JADE1: variants seen among roughly 807,000 people sequenced by gnomAD.
JADE1 encodes protein Jade-1.
A neutral mutation model predicts 81.8 loss-of-function variants in JADE1; 14 were observed. The ratio of observed to expected loss-of-function variants is 0.17; its 90% CI spans 0.11 to 0.27. The LOEUF is 0.27. JADE1 is among the 10% of genes least tolerant of loss of function. JADE1 has a pLI of 1.00. For missense variants in JADE1, 690 were observed against 1,047.9 expected (o/e 0.66, Z 4.71); for synonymous variants, 353 against 391.9 (o/e 0.90, Z 1.17).
intron 9 of JADE1, chr4:128,864,187 G>A (rs922732095): frequency 1.1e-6 from 1 of 913,708 alleles, no homozygotes; most frequent in Non-Finnish European, 1.3e-6. Flanking sequence ...TCACTTTGTT[G>A]CCCAGGCTGG....
At chr4:128,864,546 T>C in intron 9 of JADE1, 1 of 985,434 alleles carries the variant, frequency 1.0e-6, no homozygotes, top group Non-Finnish European at 1.2e-6. Context: ...ATCTTTGCCT[T>C]GCCCAGAGAG....
intron 8 of JADE1, among the ~76,000 whole-genome samples, chr4:128,861,429 C>G (rs905664311): frequency 1.1e-4 from 17 of 152,234 alleles, no homozygotes; most frequent in African/African-American, 3.4e-4. Flanking sequence ...CTTTGGGAGG[C>G]TGAGATGGGC....
At position 128,846,440 on chromosome 4, in the gene JADE1, G is replaced by C; in HGVS notation, c.204G>C (p.Glu68Asp). ...LHDSYQLNPDEYYVLADPWRQ... is the reference protein window; with the variant it reads ...LHDSYQLNPDDYYVLADPWRQ... ...ACTCCTACCAGCTGAATCCGGATGA[G>C]TACTATGTGTTGGCAGATCCCTGGA... The change falls in exon 4 of 11, where the codon GAG becomes GAC. Residue 68 changes from glutamate to aspartate, a missense_variant. By Grantham distance (45) the Glu-to-Asp change is conservative. Coordinates refer to ENST00000226319, the MANE Select transcript of JADE1 (RefSeq NM_199320.4). The surrounding 1 kb of genome is among the most constrained non-coding windows in gnomAD (Gnocchi z 4.0). The C allele has an allele frequency of 6.2e-7, 1 of 1,614,152 alleles. No individual in the cohort carries two copies. Among genetic ancestry groups the C allele is most frequent in the Non-Finnish European group, 8.5e-7 (1 of 1,180,026 alleles).
At position 128,871,735 on chromosome 4, in the gene JADE1, C is replaced by G. The variant is rs771225620; in HGVS notation, c.2002C>G (p.Leu668Val). Residue 668 changes from leucine (L) to valine (V), a missense_variant, in exon 11 of 11, where the codon CTC becomes GTC. Around this residue, in one of 8 missense-constraint regions of JADE1, gnomAD observed 218 missense variants for 274.3 expected, o/e 0.79. Transcript: ENST00000226319. This position sits in a 1 kb window ranked among gnomAD's most constrained non-coding sequence, Gnocchi z 4.1. ...AAGAGACAATCGTTTTCATTGTGAT[C>G]TCATTAAAGGAGACTTAAAGGACAA... ...KRRDNRFHCDLIKGDLKDKSF... is the reference protein window; with the variant it reads ...KRRDNRFHCDVIKGDLKDKSF... The G allele has an allele frequency of 3.7e-6, 6 of 1,614,118 alleles. No individual in the cohort carries two copies. The highest frequency in any genetic ancestry group is 5.1e-6 in the Non-Finnish European group (6 of 1,180,024).
At chr4:128,868,920 C>T (rs147166256) in intron 10 of JADE1, among the ~76,000 whole-genome samples, 161 of 152,182 alleles carry the variant, frequency 1.1e-3, no homozygotes, top group African/African-American at 3.6e-3. Flanking sequence ...TTGGTGCTTG[C>T]GTTGTGCAAT....
chr4:128,865,257 C>T (rs1320127324), intron 9 of JADE1, among the ~76,000 whole-genome samples: 3 of 152,170 alleles, frequency 2.0e-5, no homozygotes, highest in Admixed American at 1.3e-4. Context: ...AGCAGTGTAT[C>T]TCAGGGTGTT....
intron 1 of JADE1, among the ~76,000 whole-genome samples, chr4:128,828,089 C>T (rs1169132777): frequency 1.3e-5 from 2 of 152,182 alleles, no homozygotes; most frequent in East Asian, 3.9e-4. Flanking sequence ...GTTTTCCTGT[C>T]TGCCCAACTA....
chr4:128,812,562 C>T (rs1429255111), intron 1 of JADE1, among the ~76,000 whole-genome samples: 1 of 152,070 alleles, frequency 6.6e-6, no homozygotes, highest in African/African-American at 2.4e-5. Context: ...CGGGTCTCCC[C>T]TCGCCCCAGG....
At chr4:128,814,294 A>G (rs1238835468) in intron 1 of JADE1, among the ~76,000 whole-genome samples, 1 of 152,208 alleles carries the variant, frequency 6.6e-6, no homozygotes. Context: ...TTGGAGGACT[A>G]GGTGAGAGTA....
intron 2 of JADE1, among the ~76,000 whole-genome samples, chr4:128,834,530 CTTTTTTT>C (rs202245727): frequency 6.0e-5 from 6 of 99,220 alleles, no homozygotes; most frequent in Non-Finnish European, 8.3e-5. Flanking sequence ...CCAAATATTT[CTTTTTTT>C]TTTTTTTTTT....
intron 6 of JADE1, among the ~76,000 whole-genome samples, chr4:128,854,615 G>A (rs1287672474): frequency 1.3e-5 from 2 of 152,066 alleles, no homozygotes; most frequent in African/African-American, 4.8e-5. Context: ...CATCGTCGTG[G>A]GTATTCAGAT....
At chr4:128,832,799 T>C (rs1252377792) in intron 2 of JADE1, among the ~76,000 whole-genome samples, 1 of 152,218 alleles carries the variant, frequency 6.6e-6, no homozygotes, top group Non-Finnish European at 1.5e-5. Flanking sequence ...GTGCTCTAAG[T>C]TTTCAGCAAG....
chr4:128,817,610 A>G (rs1483603629), intron 1 of JADE1, among the ~76,000 whole-genome samples: 1 of 152,242 alleles, frequency 6.6e-6, no homozygotes, highest in African/African-American at 2.4e-5. Context: ...AGTACACTAA[A>G]TGCAATTTAA....
intron 2 of JADE1, among the ~76,000 whole-genome samples, chr4:128,834,179 C>G (rs1242460199): frequency 6.6e-6 from 1 of 152,064 alleles, no homozygotes; most frequent in Non-Finnish European, 1.5e-5. Context: ...AGTACCACAG[C>G]CCCCGGTAGT....
At chr4:128,857,231 G>C (rs1730870716) in intron 7 of JADE1, 107 bp from the exon 8 acceptor site, 1 of 869,254 alleles carries the variant, frequency 1.2e-6, no homozygotes, top group South Asian at 1.5e-5. Flanking sequence ...CCTTGCCACT[G>C]TCTGGTAGGA....
At chr4:128,827,268 G>A (rs1358724260) in intron 1 of JADE1, among the ~76,000 whole-genome samples, 2 of 152,140 alleles carry the variant, frequency 1.3e-5, no homozygotes, top group Admixed American at 1.3e-4. Flanking sequence ...ATTTTTTTCA[G>A]TGATACTATT....
intron 2 of JADE1, among the ~76,000 whole-genome samples, chr4:128,839,016 T>G (rs1482517553): frequency 6.6e-6 from 1 of 152,184 alleles, no homozygotes; most frequent in East Asian, 1.9e-4. Context: ...AAATTCTTAG[T>G]GCCTGCCACC....
At chr4:128,848,426 G>A (rs896761727) in intron 4 of JADE1, among the ~76,000 whole-genome samples, 8 of 152,154 alleles carry the variant, frequency 5.3e-5, no homozygotes, top group African/African-American at 1.9e-4. Flanking sequence ...TGATCCGCCT[G>A]CCTCGGCCTC....
At chr4:128,817,102 A>G (rs922132718) in intron 1 of JADE1, among the ~76,000 whole-genome samples, 3 of 151,992 alleles carry the variant, frequency 2.0e-5, no homozygotes, top group Non-Finnish European at 4.4e-5. Context: ...CAAGTGACCC[A>G]CCTACCTCGG....
Sources: allele counts gnomAD v4.1 joint callset (sites outside exome capture counted in the v4.1 genomes callset), GRCh38; gene constraint gnomAD v4.1.1; regional missense constraint gnomAD v4.1.1; non-coding constraint Gnocchi (gnomAD v3.1); transcripts MANE v1.5; gene names NCBI Gene and HGNC (gene_info 2026-07-23, HGNC 2026-07-21).